CARD14: variants seen among roughly 807,000 people sequenced by gnomAD.
The protein encoded by CARD14 is caspase recruitment domain-containing protein 14.
CARD14 carries 107 observed loss-of-function variants against 111.5 expected under a neutral mutation model. The ratio of observed to expected loss-of-function variants is 0.96; its 90% CI spans 0.82 to 1.13. The LOEUF (loss-of-function observed/expected upper bound fraction) is 1.13. Ranked by LOEUF, CARD14 falls within the 50% of genes most tolerant of loss-of-function variation. CARD14 has a pLI of 0.00. For missense variants in CARD14, 1,322 were observed against 1,362.3 expected (o/e 0.97, Z 0.47); for synonymous variants, 617 against 579.6 (o/e 1.06, Z -0.93).
At chr17:80,205,991 G>A (rs2041280135) in intron 22 of CARD14, 1 of 191,928 alleles carries the variant, frequency 5.2e-6, no homozygotes, top group Non-Finnish European at 1.1e-5. Flanking sequence ...GTGAACCACA[G>A]CTTTGTGTCT....
At chr17:80,178,252 C>T (rs1440920220) in intron 2 of CARD14, among the ~76,000 whole-genome samples, 1 of 152,142 alleles carries the variant, frequency 6.6e-6, no homozygotes, top group Non-Finnish European at 1.5e-5. Context: ...ATAACTACTG[C>T]GCCTGTCAAC....
rs753955668 is a variant in CARD14 at position 80,201,501 on chromosome 17, T to C, written c.1852-243T>C. 9.4e-6 allele frequency: 5 copies of C among 534,148 alleles called. No homozygotes were observed. Among genetic ancestry groups the C allele is most frequent in the African/African-American group, 2.0e-5 (1 of 51,082 alleles). The allele number at this position is 534,148 out of a possible 1,614,324, so 33.1% of individuals were successfully genotyped here. A position where few individuals can be genotyped will look rare whatever the true frequency, so the allele number is the denominator to read the frequency against. ...AGTGCTTATCACAAAGAACCCCCGATCTCGACTGGGGAAGGGTTGGCAGTT... is the reference window on the plus strand; with the variant it reads ...AGTGCTTATCACAAAGAACCCCCGACCTCGACTGGGGAAGGGTTGGCAGTT... On this transcript the variant is annotated intron_variant, in intron 16 of 23. Transcript: ENST00000648509. The surrounding 1 kb of genome is among the most constrained non-coding windows in gnomAD (Gnocchi z 5.0).
Position 80,189,673 on chromosome 17 carries a change from G to C in CARD14, c.844-80G>C. ...CCACACACCTGACCGTGCAGTTGCCGCCATCTTCTCGGGATTCTGCTTGCC... is the reference window on the plus strand; with the variant it reads ...CCACACACCTGACCGTGCAGTTGCCCCCATCTTCTCGGGATTCTGCTTGCC... On this transcript the variant is annotated intron_variant, in intron 8 of 23. Coordinates refer to ENST00000648509, the MANE Select transcript of CARD14 (RefSeq NM_001366385.1). This position sits in a 1 kb window ranked among gnomAD's most constrained non-coding sequence, Gnocchi z 4.7. 1 of 1,415,592 alleles carries C rather than the reference G, an allele frequency of 7.1e-7. No homozygotes were observed. The highest frequency in any genetic ancestry group is 9.2e-7 in the Non-Finnish European group (1 of 1,083,926). The allele number at this position is 1,415,592 out of a possible 1,614,324, so 87.7% of individuals were successfully genotyped here.
At position 80,188,048 on chromosome 17, in the gene CARD14, G is replaced by A. The variant is rs1007202913; in HGVS notation, c.676-329G>A. On this transcript the variant is annotated intron_variant, in intron 7 of 23. Coordinates refer to ENST00000648509, the MANE Select transcript of CARD14 (RefSeq NM_001366385.1). This position sits in a 1 kb window ranked among gnomAD's most constrained non-coding sequence, Gnocchi z 4.5. ...AAGCAGGGAAGCCAGGGAGCATGCT[G>A]GCCATCACTGCCGGCTGCTCAGCTG... is the stretch of plus-strand genomic sequence containing the variant. 2.4e-6 allele frequency: 2 copies of A among 833,690 alleles called. No homozygotes were observed. Among genetic ancestry groups the A allele is most frequent in the East Asian group, 9.4e-5 (1 of 10,638 alleles). The allele number at this position is 833,690 out of a possible 1,614,324, so 51.6% of individuals were successfully genotyped here.
chr17:80,177,405 A>AT (rs1393012518), intron 2 of CARD14, among the ~76,000 whole-genome samples: 1 of 151,838 alleles, frequency 6.6e-6, no homozygotes, highest in Non-Finnish European at 1.5e-5. Context: ...TAAAAAAAAA[A>AT]TTTTTTTAGG....
At chr17:80,192,388 G>C (rs534123245) in intron 11 of CARD14, 115 bp from the exon 12 acceptor site, 1 of 682,288 alleles carries the variant, frequency 1.5e-6, no homozygotes, top group Non-Finnish European at 2.6e-6. Context: ...GGAAGCTGAC[G>C]AGAGGAAACT....
At chr17:80,170,942 G>A (rs1012972282) in intron 1 of CARD14, among the ~76,000 whole-genome samples, 1 of 150,474 alleles carries the variant, frequency 6.6e-6, no homozygotes, top group Non-Finnish European at 1.5e-5. Context: ...CTGGGTTCAG[G>A]TGATTCTCCT....
At position 80,202,312 on chromosome 17, in the gene CARD14, A is replaced by G. The variant is rs1366289923; in HGVS notation, c.2111A>G (p.His704Arg). The G allele has an allele frequency of 6.2e-7, 1 of 1,613,730 alleles. No individual in the cohort carries two copies. Among genetic ancestry groups the G allele is most frequent in the Non-Finnish European group, 8.5e-7 (1 of 1,180,030 alleles). Residue 704 changes from histidine to arginine, a missense_variant, in exon 18 of 24, where the codon CAC (histidine) becomes CGC (arginine). His to Arg is a conservative substitution (Grantham distance 29). Coordinates refer to ENST00000648509, the MANE Select transcript of CARD14 (RefSeq NM_001366385.1). ...ELQVHCNEVL[H>R]VTDTMFQGCG... is the part of the protein sequence containing the mutation. ...CAGGTGCATTGCAACGAGGTCCTGCACGTCACCGACACCATGTTCCAGGGC... is the reference window on the plus strand; with the variant it reads ...CAGGTGCATTGCAACGAGGTCCTGCGCGTCACCGACACCATGTTCCAGGGC...
Position 80,201,753 on chromosome 17 carries a change from G to A in CARD14, c.1861G>A (p.Glu621Lys), listed in dbSNP as rs979100899. The change falls in exon 17 of 24, where the codon GAA becomes AAA. Residue 621 changes from glutamate (E) to lysine (K), a missense_variant. By Grantham distance (56) the Glu-to-Lys change is moderately conservative. Transcript: ENST00000648509. The surrounding 1 kb of genome is among the most constrained non-coding windows in gnomAD (Gnocchi z 5.0). ...PGTQIVMVDY[E>K]ASEPLFKAVL... The stretch of plus-strand genomic sequence containing the variant: ...CTCGACTTGCCCTCAGGTTGATTAC[G>A]AAGCCTCAGAGCCCTTGTTCAAGGC... 13 of 1,613,898 alleles carry A rather than the reference G, an allele frequency of 8.1e-6. No homozygotes were observed. The highest frequency in any genetic ancestry group is 6.7e-5 in the African/African-American group (5 of 74,902).
In CARD14 at chr17:80,184,035, G is replaced by A; in HGVS notation, c.472G>A (p.Glu158Lys). 2 of 1,587,600 alleles carry A rather than the reference G, an allele frequency of 1.3e-6. No homozygotes were observed. The highest frequency in any genetic ancestry group is 1.1e-5 in the South Asian group (1 of 87,404). Residue 158 changes from glutamate (E) to lysine (K), a missense_variant, in exon 7 of 24, where the codon GAG becomes AAG. Transcript: ENST00000648509. ...GCTGCGGCGGTGCCAGCAGCTGCAG[G>A]AGCACCTGGGCCTGGCCGAGACCCG... ...VLLRRCQQLQ[E>K]HLGLAETRAE...
At chr17:80,180,252 C>A (rs150644518) in intron 4 of CARD14, among the ~76,000 whole-genome samples, 1 of 152,172 alleles carries the variant, frequency 6.6e-6, no homozygotes, top group African/African-American at 2.4e-5. Context: ...CGGGCTGTAA[C>A]GGCGACCTGC....
intron 18 of CARD14, chr17:80,202,622 C>A: frequency 2.1e-6 from 3 of 1,409,430 alleles, no homozygotes; most frequent in Non-Finnish European, 2.8e-6. Context: ...ATGAAATGTT[C>A]ATTCTAGAAC....
chr17:80,173,834 T>C (rs967086257), intron 2 of CARD14, among the ~76,000 whole-genome samples: 1 of 152,118 alleles, frequency 6.6e-6, no homozygotes, highest in Admixed American at 6.5e-5. Context: ...CCTGACCTTA[T>C]GATCTGCCCA....
At chr17:80,192,459 A>C in intron 11 of CARD14, 44 bp from the exon 12 acceptor site, 1 of 1,519,276 alleles carries the variant, frequency 6.6e-7, no homozygotes, top group Non-Finnish European at 9.1e-7. Context: ...CTCAAAGCGG[A>C]ACCTTTCCCG....
In CARD14 at chr17:80,205,186, G is replaced by C. The variant is rs1464600126; in HGVS notation, c.2550G>C (p.Gly850=). The C allele has an allele frequency of 1.2e-6, 2 of 1,613,128 alleles. No homozygotes were observed. The highest frequency in any genetic ancestry group is 2.7e-5 in the African/African-American group (2 of 75,030). The part of the protein sequence containing the change: ...ILSEKLCLLQ[G]FKKCLAEYLS... ...GCGAGAAACTGTGCCTCCTCCAAGG[G>C]TTTAAGAAGTGCCTGGCAGGTATGC... is the stretch of plus-strand genomic sequence containing the variant. The change falls in exon 21 of 24, where the codon GGG becomes GGC. Residue 850 remains glycine (G), a synonymous_variant. Coordinates refer to ENST00000648509, the MANE Select transcript of CARD14 (RefSeq NM_001366385.1).
At position 80,198,592 on chromosome 17, in the gene CARD14, G is replaced by A. The variant is rs775115580; in HGVS notation, c.1851+1G>A. 4.3e-6 allele frequency: 7 copies of A among 1,611,802 alleles called. No individual in the cohort carries two copies. Among genetic ancestry groups the A allele is most frequent in the Admixed American group, 3.3e-5 (2 of 59,980 alleles). ...GCGCCCGGGCACCCAGATTGTGATG[G>A]TGAGCCGTGCGAGGCCCCTCCTGTC... is the stretch of plus-strand genomic sequence containing the variant. On this transcript the variant is annotated splice_donor_variant, in intron 16 of 23. Coordinates refer to ENST00000648509, the MANE Select transcript of CARD14 (RefSeq NM_001366385.1). LOFTEE classifies it high-confidence loss of function. The surrounding 1 kb of genome is among the most constrained non-coding windows in gnomAD (Gnocchi z 7.5).
Position 80,197,694 on chromosome 17 carries a change from A to G in CARD14, c.1595-405A>G, listed in dbSNP as rs373811040. Among the ~76,000 whole-genome samples the G allele has an allele frequency of 1.1e-4, 17 of 152,358 alleles. No homozygotes were observed. In the South Asian group the frequency reaches 1.7e-3, roughly 15 times the overall value. On this transcript the variant is annotated intron_variant, in intron 14 of 23. Coordinates refer to ENST00000648509, the MANE Select transcript of CARD14 (RefSeq NM_001366385.1). ...AAATGCAGCCCCAGGGTTACAGCAG[A>G]TATTTTTTCAAGTGAAGCCAGAAAT...
rs905380899 is a variant in CARD14, at chr17:80,182,918, C to T, written c.349+128C>T. The stretch of plus-strand genomic sequence containing the variant: ...TTCCCTCCAGGCTGCAGTTCCTGTC[C>T]CAGCCCCAGCACTCTGAGGGTGAGG... On this transcript the variant is annotated intron_variant, in intron 6 of 23. Coordinates refer to ENST00000648509, the MANE Select transcript of CARD14 (RefSeq NM_001366385.1). The surrounding 1 kb of genome is among the most constrained non-coding windows in gnomAD (Gnocchi z 4.7). The T allele has an allele frequency of 6.3e-6, 7 of 1,116,174 alleles. No individual in the cohort carries two copies. The African/African-American group carries it at 1.1e-4, about 17-fold the overall frequency. The allele number at this position is 1,116,174 out of a possible 1,614,324, so 69.1% of individuals were successfully genotyped here.
rs1411497004 is a variant in CARD14 at position 80,195,399 on chromosome 17, G to T, written c.1499+66G>T. 22 of 1,562,348 alleles carry T rather than the reference G, an allele frequency of 1.4e-5. No individual in the cohort carries two copies. Among genetic ancestry groups the T allele is most frequent in the Non-Finnish European group, 1.9e-5 (22 of 1,150,280 alleles). On this transcript the variant is annotated intron_variant, in intron 13 of 23. Transcript: ENST00000648509. This position sits in a 1 kb window ranked among gnomAD's most constrained non-coding sequence, Gnocchi z 4.7. ...GGGTCCTTCCTGGCAACTCACCAGA[G>T]ACACCAACCTAGACCTCAGGGCATC...
Sources: gnomAD v4.1 joint callset for allele counts (sites outside exome capture counted in the v4.1 genomes callset) on GRCh38, gnomAD v4.1.1 for gene constraint, Gnocchi (gnomAD v3.1) non-coding constraint, MANE v1.5 for transcripts, NCBI Gene and HGNC (gene_info 2026-07-23, HGNC 2026-07-21) for gene names.